Variants in MIGA2 observed in about 807,000 individuals in gnomAD.
MIGA2 encodes the protein mitoguardin 2, also known as family with sequence similarity 73, member B.
Under a neutral mutation model 69.9 loss-of-function variants are expected in MIGA2, and 36 were observed. The observed-to-expected ratio is 0.52, with a 90% CI of 0.39 to 0.68. The LOEUF is 0.68. Ranked by LOEUF, MIGA2 falls within the 30% of genes least tolerant of loss-of-function variation. The pLI is 0.00. For synonymous variants in MIGA2, 333 were observed against 349.2 expected (o/e 0.95, Z 0.52); for missense variants, 660 against 787.7 (o/e 0.84, Z 1.94).
intron 1 of MIGA2, among the ~76,000 whole-genome samples, chr9:129,037,616 C>A (rs1261660848): frequency 6.6e-6 from 1 of 152,088 alleles, no homozygotes; most frequent in Non-Finnish European, 1.5e-5. Context: ...GGTGATGTTA[C>A]CTCGCACCTG....
Position 129,059,131 on chromosome 9 carries a change from G to T in MIGA2, c.676-23G>T, listed in dbSNP as rs757122243. On this transcript the variant is annotated intron_variant, in intron 6 of 15. Coordinates refer to ENST00000684074, the MANE Select transcript of MIGA2 (RefSeq NM_001329990.2). The surrounding 1 kb of genome is among the most constrained non-coding windows in gnomAD (Gnocchi z 5.6). ...ATCGGGAGCTTTGAGGGTCTGGGTT[G>T]AGGGTCCTTGTTTTTATGGCAGCCA... The T allele has an allele frequency of 6.2e-7, 1 of 1,608,596 alleles. No homozygotes were observed.
At chr9:129,063,859 T>C (rs906689540) in intron 11 of MIGA2, among the ~76,000 whole-genome samples, 1 of 152,156 alleles carries the variant, frequency 6.6e-6, no homozygotes, top group East Asian at 1.9e-4. Context: ...GGCGTCCGTC[T>C]CTCCATGCTG....
At chr9:129,044,219 C>T (rs964645165) in intron 3 of MIGA2, among the ~76,000 whole-genome samples, 10 of 151,620 alleles carry the variant, frequency 6.6e-5, no homozygotes, top group African/African-American at 2.2e-4. Flanking sequence ...GTCTCGAACT[C>T]CTGACCTCGT....
chr9:129,042,600 A>G (rs986130911), intron 3 of MIGA2, 86 bp downstream of exon 3: 2 of 1,374,426 alleles, frequency 1.5e-6, no homozygotes, highest in Non-Finnish European at 2.0e-6. Flanking sequence ...ACTTGGGGAT[A>G]TTGGGCCAGT....
chr9:129,069,035 G>GC lies in MIGA2; in HGVS notation c.1405-38dup. The GC allele has an allele frequency of 6.2e-7, 1 of 1,613,014 alleles. No individual in the cohort carries two copies. The highest frequency in any genetic ancestry group is 8.5e-7 in the Non-Finnish European group (1 of 1,179,120). ...CAGAGGGCGAGGGGCTGTGGGCTAG[G>GC]CCCATTTTGACACCCGGGGGACATC... On this transcript the variant is annotated intron_variant, in intron 13 of 15. Transcript: ENST00000684074. The surrounding 1 kb of genome is among the most constrained non-coding windows in gnomAD (Gnocchi z 4.9).
intron 6 of MIGA2, chr9:129,051,274 TTA>T (rs1213937419): frequency 2.2e-5 from 4 of 182,926 alleles, no homozygotes; most frequent in African/African-American, 7.4e-5. Flanking sequence ...ATTTATTTAT[TTA>T]TTTATTTATT....
rs1013794077 is a variant in MIGA2 at position 129,060,328 on chromosome 9, C to T, written c.794-222C>T. On this transcript the variant is annotated intron_variant, in intron 7 of 15. Transcript: ENST00000684074. The surrounding 1 kb of genome is among the most constrained non-coding windows in gnomAD (Gnocchi z 4.8). ...GCTCACACCTGAGGCTGACGACCTC[C>T]GAGGATGTCGTGGGTGTTGAAGGAG... 2.0e-5 allele frequency among the ~76,000 whole-genome samples: 3 copies of T among 152,198 alleles called. No homozygotes were observed. Among genetic ancestry groups the T allele is most frequent in the Non-Finnish European group, 2.9e-5 (2 of 68,034 alleles).
Position 129,056,587 on chromosome 9 carries a change from C to T in MIGA2, c.676-2567C>T, listed in dbSNP as rs545365519. ...AGGCTGAAGTGCAGTGGCACAATCT[C>T]GGCTCACTGCTACCTCCACTTCCTG... On this transcript the variant is annotated intron_variant, in intron 6 of 15. Coordinates refer to ENST00000684074, the MANE Select transcript of MIGA2 (RefSeq NM_001329990.2). Among the ~76,000 whole-genome samples the T allele has an allele frequency of 5.3e-5, 8 of 151,574 alleles. No homozygotes were observed. In the East Asian group the frequency reaches 7.8e-4, roughly 15 times the overall value.
chr9:129,068,112 C>T lies in MIGA2; in HGVS notation c.1270-86C>T. 6.3e-7 allele frequency: 1 copy of T among 1,590,364 alleles called. No homozygotes were observed. Among genetic ancestry groups the T allele is most frequent in the Non-Finnish European group, 8.6e-7 (1 of 1,159,772 alleles). ...CCCACGTGTGCTCATGCCCTGGACC[C>T]CAGCTTCAGTCTCCCCATCTGGAAA... On this transcript the variant is annotated intron_variant, in intron 12 of 15. Coordinates refer to ENST00000684074, the MANE Select transcript of MIGA2 (RefSeq NM_001329990.2). This position sits in a 1 kb window ranked among gnomAD's most constrained non-coding sequence, Gnocchi z 4.1.
At position 129,071,771 on chromosome 9, in the gene MIGA2, G is replaced by A. The variant is rs1846692699; in HGVS notation, c.*1318G>A. 1 of 152,452 alleles carries A rather than the reference G, an allele frequency of 6.6e-6. No individual in the cohort carries two copies. Among genetic ancestry groups the A allele is most frequent in the Admixed American group, 6.5e-5 (1 of 15,282 alleles). 9.4% of individuals were successfully genotyped at this position (152,452 alleles called of 1,614,324 possible). On this transcript the variant is annotated 3_prime_UTR_variant, in exon 16 of 16. Transcript: ENST00000684074. ...CCTCCCAGGCTGATGCCCGGAGGCA[G>A]CTTCCTGGGCAGGAGGGTTCCATGG...
intron 6 of MIGA2, among the ~76,000 whole-genome samples, chr9:129,058,604 A>G (rs1257267193): frequency 2.7e-5 from 4 of 150,656 alleles, no homozygotes; most frequent in Non-Finnish European, 4.4e-5. Flanking sequence ...GGTTCAAGCA[A>G]TTCTCCTGCC....
chr9:129,048,292 C>T, intron 3 of MIGA2, 135 bp from the exon 4 acceptor site: 2 of 769,564 alleles, frequency 2.6e-6, no homozygotes, highest in Non-Finnish European at 4.5e-6. Flanking sequence ...CTTGGGGCCC[C>T]TCTGTTCCCC....
rs118045912 is a variant in MIGA2 at position 129,058,124 on chromosome 9, C to T, written c.676-1030C>T. Among the ~76,000 whole-genome samples, 852 of 152,016 alleles carry T rather than the reference C, an allele frequency of 5.6e-3. 1 individual carries two copies. Among genetic ancestry groups the T allele is most frequent in the Admixed American group, 0.013 (196 of 15,254 alleles). Reference sequence around the variant, plus strand: ...TCAAAAGTTATATGTGGGCTGGGCACGGTGGCTCACACCTCTAATCCTAGC... The same window carrying T: ...TCAAAAGTTATATGTGGGCTGGGCATGGTGGCTCACACCTCTAATCCTAGC... On this transcript the variant is annotated intron_variant, in intron 6 of 15. Transcript: ENST00000684074.
intron 6 of MIGA2, among the ~76,000 whole-genome samples, chr9:129,056,019 T>C (rs1307916850): frequency 6.9e-6 from 1 of 144,820 alleles, no homozygotes; most frequent in Non-Finnish European, 1.5e-5. Flanking sequence ...AGCGTGGTGG[T>C]GGGCACCTGT....
intron 1 of MIGA2, 49 bp from the exon 2 acceptor site, chr9:129,040,403 T>C (rs778625518): frequency 2.2e-5 from 29 of 1,298,688 alleles, no homozygotes; most frequent in Admixed American, 3.5e-5. Flanking sequence ...CATTTCTGCA[T>C]GTTCCCGTGT....
chr9:129,064,280 C>A (rs555333280), intron 11 of MIGA2, among the ~76,000 whole-genome samples: 1 of 151,748 alleles, frequency 6.6e-6, no homozygotes, highest in Non-Finnish European at 1.5e-5. Context: ...GATCTCGGCT[C>A]ACTGCAAGCT....
At position 129,069,563 on chromosome 9, in the gene MIGA2, GCT is replaced by G. The variant is rs1216990689; in HGVS notation, c.1459-283_1459-282del. On this transcript the variant is annotated intron_variant, in intron 14 of 15. Transcript: ENST00000684074. This position sits in a 1 kb window ranked among gnomAD's most constrained non-coding sequence, Gnocchi z 4.9. ...TTTGTCGTTCCCCTCTGCGGGCCAG[GCT>G]CTGTTGCCTAGCTGATACCAGCTGC... 1.9e-6 allele frequency: 1 copy of G among 537,488 alleles called. No individual in the cohort carries two copies. Among genetic ancestry groups the G allele is most frequent in the Non-Finnish European group, 3.4e-6 (1 of 297,208 alleles). The allele number at this position is 537,488 out of a possible 1,614,324, so 33.3% of individuals were successfully genotyped here.
Position 129,061,488 on chromosome 9 carries a change from G to T in MIGA2, c.1010+142G>T, listed in dbSNP as rs1846067361. ...GCTGCCTGAGGGCCGTGGTGAGCTG[G>T]TGACAGCTCCTCCCCCAGCTGCAGA... On this transcript the variant is annotated intron_variant, in intron 9 of 15. Transcript: ENST00000684074. The surrounding 1 kb of genome is among the most constrained non-coding windows in gnomAD (Gnocchi z 5.0). The T allele has an allele frequency of 2.9e-6, 2 of 693,762 alleles. No homozygotes were observed. The highest frequency in any genetic ancestry group is 4.8e-6 in the Non-Finnish European group (2 of 412,618). The allele number at this position is 693,762 out of a possible 1,614,324, so 43.0% of individuals were successfully genotyped here.
intron 6 of MIGA2, among the ~76,000 whole-genome samples, chr9:129,058,178 C>T (rs985311094): frequency 1.3e-5 from 2 of 151,810 alleles, no homozygotes; most frequent in Non-Finnish European, 2.9e-5. Flanking sequence ...AGGAGGATTG[C>T]ATGAACCCAT....
Sources: gnomAD v4.1 joint callset for allele counts (sites outside exome capture counted in the v4.1 genomes callset) on GRCh38, gnomAD v4.1.1 for gene constraint, Gnocchi (gnomAD v3.1) non-coding constraint, MANE v1.5 for transcripts, NCBI Gene and HGNC (gene_info 2026-07-23, HGNC 2026-07-21) for gene names.